Variants in PCNX2 observed in about 807,000 individuals in gnomAD.
PCNX2 encodes the protein pecanex-like protein 2.
A neutral mutation model predicts 223.8 loss-of-function variants in PCNX2; 168 were observed. The observed-to-expected ratio is 0.75, with a 90% CI of 0.66 to 0.85. The LOEUF (loss-of-function observed/expected upper bound fraction) is 0.85, where lower values mean the gene tolerates loss of function less well. PCNX2 is among the 40% of genes least tolerant of loss of function. PCNX2 has a pLI of 0.00. For missense variants in PCNX2, 2,507 were observed against 2,675.5 expected, an observed-to-expected ratio of 0.94 and a Z score of 1.39; for synonymous variants, 1,006 against 1,052.6, an observed-to-expected ratio of 0.96 and a Z score of 0.86.
Position 233,252,744 on chromosome 1 carries a change from T to A in PCNX2, c.1879A>T (p.Lys627Ter). ...EKKEEILENE[K>*]PSGHSSKQGK... Reference sequence around the variant, plus strand: ...TGCTTAGAACTGTGTCCACTGGGCTTTTCATTTTCCAGGATTTCCTCCTTT... The same window carrying A: ...TGCTTAGAACTGTGTCCACTGGGCTATTCATTTTCCAGGATTTCCTCCTTT... Residue 627 changes from lysine (K) to a stop codon, truncating the protein, a stop_gained, in exon 6 of 34, where the codon AAG (lysine) becomes TAG (stop). Coordinates refer to ENST00000258229, the MANE Select transcript of PCNX2 (RefSeq NM_014801.4). LOFTEE classifies it high-confidence loss of function. 6.2e-7 allele frequency: 1 copy of A among 1,613,268 alleles called. No homozygotes were observed. The highest frequency in any genetic ancestry group is 8.5e-7 in the Non-Finnish European group (1 of 1,179,732).
intron 23 of PCNX2, among the ~76,000 whole-genome samples, chr1:233,067,118 G>A (rs1672642235): frequency 2.0e-5 from 3 of 151,804 alleles, no homozygotes; most frequent in Non-Finnish European, 4.4e-5. Context: ...ACAGCTAGCT[G>A]AAACAAAGGT....
chr1:233,066,858 A>G (rs189462935), intron 23 of PCNX2, among the ~76,000 whole-genome samples: 1 of 152,072 alleles, frequency 6.6e-6, no homozygotes, highest in African/African-American at 2.4e-5. Flanking sequence ...AGACTTTCAT[A>G]ATTTTCCTGG....
intron 16 of PCNX2, among the ~76,000 whole-genome samples, chr1:233,178,858 G>A (rs758487082): frequency 4.6e-5 from 7 of 152,186 alleles, no homozygotes; most frequent in Non-Finnish European, 4.4e-5. Flanking sequence ...TAAAATGTTT[G>A]CTAGATGTTC....
chr1:233,130,531 C>T (rs1676429763), intron 21 of PCNX2, among the ~76,000 whole-genome samples: 1 of 150,652 alleles, frequency 6.6e-6, no homozygotes, highest in African/African-American at 2.4e-5. Flanking sequence ...GTTGCCCAGG[C>T]TGGAGTGCAG....
At chr1:233,062,224 A>G (rs1341121691) in intron 23 of PCNX2, among the ~76,000 whole-genome samples, 1 of 152,176 alleles carries the variant, frequency 6.6e-6, no homozygotes, top group Non-Finnish European at 1.5e-5. Flanking sequence ...GTGTTTCTTC[A>G]TATCCCATGG....
At chr1:233,003,459 C>T (rs1317183059) in intron 28 of PCNX2, among the ~76,000 whole-genome samples, 1 of 152,232 alleles carries the variant, frequency 6.6e-6, no homozygotes, top group Non-Finnish European at 1.5e-5. Flanking sequence ...TAGATACCAT[C>T]TCACACCAGT....
intron 15 of PCNX2, among the ~76,000 whole-genome samples, chr1:233,189,145 C>T (rs1240804471): frequency 6.6e-6 from 1 of 152,176 alleles, no homozygotes; most frequent in African/African-American, 2.4e-5. Context: ...ACTACTAATC[C>T]ATTTTACAAT....
chr1:233,187,485 C>T (rs1422759033), intron 15 of PCNX2, among the ~76,000 whole-genome samples: 1 of 152,086 alleles, frequency 6.6e-6, no homozygotes, highest in African/African-American at 2.4e-5. Flanking sequence ...TCCCTCACTC[C>T]CCATCAGTCA....
At chr1:233,304,795 G>C in the PCNX2 span, among the ~76,000 whole-genome samples, 5 of 152,170 alleles carry the variant, frequency 3.3e-5, no homozygotes, top group African/African-American at 1.2e-4. Context: ...CAGAAAGCTT[G>C]TTCCCCCAAA....
At chr1:233,016,720 G>C (rs1670677385) in intron 27 of PCNX2, 1 of 943,212 alleles carries the variant, frequency 1.1e-6, no homozygotes, top group African/African-American at 1.8e-5. Context: ...ATATCTTTAA[G>C]TGTCCTTCAT....
intron 23 of PCNX2, among the ~76,000 whole-genome samples, chr1:233,083,400 G>T (rs1295274560): frequency 6.6e-6 from 1 of 152,182 alleles, no homozygotes; most frequent in African/African-American, 2.4e-5. Context: ...GATATCACAA[G>T]GAGCCGATTC....
At chr1:233,054,130 G>A (rs994820049) in intron 25 of PCNX2, 138 bp downstream of exon 25, 1 of 688,604 alleles carries the variant, frequency 1.5e-6, no homozygotes, top group Non-Finnish European at 2.5e-6. Context: ...TTTATATCAA[G>A]GTAGTGGTGG....
At chr1:233,252,264 C>A in intron 7 of PCNX2, 90 bp downstream of exon 7, 1 of 1,415,088 alleles carries the variant, frequency 7.1e-7, no homozygotes, top group South Asian at 1.5e-5. Flanking sequence ...GTTCTCAAGT[C>A]TAGTACTCAT....
chr1:233,036,397 G>GA (rs1316657373), intron 25 of PCNX2, among the ~76,000 whole-genome samples: 26 of 152,212 alleles, frequency 1.7e-4, no homozygotes, highest in Admixed American at 9.2e-4. Flanking sequence ...TTGGGAGGCC[G>GA]AGGGGGTGGA....
Position 232,991,160 on chromosome 1 carries a change from G to A in PCNX2, c.5792-4620C>T, listed in dbSNP as rs1669684611. On this transcript the variant is annotated intron_variant, in intron 32 of 33. Coordinates refer to ENST00000258229, the MANE Select transcript of PCNX2 (RefSeq NM_014801.4). This position sits in a 1 kb window ranked among gnomAD's most constrained non-coding sequence, Gnocchi z 4.3. Reference sequence around the variant, plus strand: ...GAGGGGAGGAGAAAGTGGGGCAGGGGGACAGCAGTGCTGTATGGAAGGCTG... The same window carrying A: ...GAGGGGAGGAGAAAGTGGGGCAGGGAGACAGCAGTGCTGTATGGAAGGCTG... 6.6e-6 allele frequency among the ~76,000 whole-genome samples: 1 copy of A among 152,178 alleles called. No homozygotes were observed.
At chr1:233,132,098 G>A (rs375252391) in intron 21 of PCNX2, among the ~76,000 whole-genome samples, 2 of 152,016 alleles carry the variant, frequency 1.3e-5, no homozygotes, top group African/African-American at 2.4e-5. Flanking sequence ...CACCACGCCC[G>A]GCTAAATTTT....
chr1:233,141,773 A>ATGTGTGTGTGTG lies in PCNX2; in HGVS notation c.3518-1930_3518-1919dup, dbSNP rs34145635. Reference sequence around the variant, plus strand: ...GGTATATATGTGTGTGTATATGTATATGTGTGTGTGTGTGTGTGTGTGTGT... The same window carrying ATGTGTGTGTGTG: ...GGTATATATGTGTGTGTATATGTATATGTGTGTGTGTGTGTGTGTGTGTGTGTGTGTGTGTGT... On this transcript the variant is annotated intron_variant, in intron 19 of 33. Transcript: ENST00000258229. Among the ~76,000 whole-genome samples, 470 of 146,280 alleles carry ATGTGTGTGTGTG rather than the reference A, an allele frequency of 3.2e-3. 6 individuals are homozygous for ATGTGTGTGTGTG. Among genetic ancestry groups the ATGTGTGTGTGTG allele is most frequent in the African/African-American group, 0.011 (446 of 38,850 alleles).
rs143976303 is a variant in PCNX2, at chr1:233,057,762, C to T, written c.4077-472G>A. On this transcript the variant is annotated intron_variant, in intron 23 of 33. Coordinates refer to ENST00000258229, the MANE Select transcript of PCNX2 (RefSeq NM_014801.4). Reference sequence around the variant, plus strand: ...TGGCACACTCCTATAATCTCAGCTACTTGGGAGGCTGAACTTGAATCCAGG... The same window carrying T: ...TGGCACACTCCTATAATCTCAGCTATTTGGGAGGCTGAACTTGAATCCAGG... The T allele has an allele frequency of 6.8e-4, 316 of 466,216 alleles. 6 individuals are homozygous for T. In the East Asian group the frequency reaches 0.04, roughly 59 times the overall value. The allele number at this position is 466,216 out of a possible 1,614,324, so 28.9% of individuals were successfully genotyped here. A position where few individuals can be genotyped will look rare whatever the true frequency, so the allele number is the denominator to read the frequency against.
At chr1:233,118,271 C>T (rs1675543490) in intron 21 of PCNX2, among the ~76,000 whole-genome samples, 1 of 151,920 alleles carries the variant, frequency 6.6e-6, no homozygotes, top group Admixed American at 6.6e-5. Flanking sequence ...CTACAACTTA[C>T]TCATACTTAC....
Sources: gnomAD v4.1 joint callset for allele counts (sites outside exome capture counted in the v4.1 genomes callset) on GRCh38, gnomAD v4.1.1 for gene constraint, Gnocchi (gnomAD v3.1) non-coding constraint, MANE v1.5 for transcripts, NCBI Gene and HGNC (gene_info 2026-07-23, HGNC 2026-07-21) for gene names.